Variants in EFNA5 observed in about 807,000 individuals in gnomAD.
The protein encoded by EFNA5 is ephrin A5, also known as ephrin-A5.
A neutral mutation model predicts 22.9 loss-of-function variants in EFNA5; 5 were observed. The observed-to-expected ratio is 0.22, with a 90% CI of 0.11 to 0.46. The LOEUF (loss-of-function observed/expected upper bound fraction) is 0.46, where lower values mean the gene tolerates loss of function less well. Among genes scored for constraint, EFNA5 ranks in the 20% least tolerant of loss-of-function variants. EFNA5 has a pLI of 0.99. For missense variants in EFNA5, 237 were observed against 293.3 expected, an observed-to-expected ratio of 0.81 and a Z score of 1.40; for synonymous variants, 113 against 112.2, an observed-to-expected ratio of 1.01 and a Z score of -0.04.
At chr5:107,430,483 T>C (rs993923008) in intron 1 of EFNA5, among the ~76,000 whole-genome samples, 1 of 152,136 alleles carries the variant, frequency 6.6e-6, no homozygotes, top group Non-Finnish European at 1.5e-5. Flanking sequence ...AAACTGCCAT[T>C]GTCTGGACCC....
At chr5:107,552,088 T>G (rs1748312180) in intron 1 of EFNA5, among the ~76,000 whole-genome samples, 1 of 152,134 alleles carries the variant, frequency 6.6e-6, no homozygotes, top group South Asian at 2.1e-4. Flanking sequence ...AAAAGTGACT[T>G]AAAAAATTCT....
intron 2 of EFNA5, among the ~76,000 whole-genome samples, chr5:107,401,225 T>C (rs1021598885): frequency 6.6e-5 from 10 of 152,238 alleles, no homozygotes; most frequent in African/African-American, 2.4e-4. Context: ...TTTATATTTC[T>C]ATGCTGACTC....
intron 1 of EFNA5, among the ~76,000 whole-genome samples, chr5:107,636,246 A>G (rs912519480): frequency 3.9e-5 from 6 of 152,214 alleles, no homozygotes; most frequent in Non-Finnish European, 7.3e-5. Context: ...ATCACTGTTA[A>G]ATGAGAAAAA....
At chr5:107,387,070 G>A (rs2112487370) in intron 4 of EFNA5, among the ~76,000 whole-genome samples, 165 bp downstream of exon 4, 1 of 152,234 alleles carries the variant, frequency 6.6e-6, no homozygotes, top group East Asian at 1.9e-4. Flanking sequence ...CAAAGATACT[G>A]GAGGAATGAG....
intron 2 of EFNA5, among the ~76,000 whole-genome samples, chr5:107,405,615 C>G (rs987705723): frequency 8.5e-5 from 13 of 152,088 alleles, no homozygotes; most frequent in Non-Finnish European, 1.9e-4. Context: ...TTCACAGAAT[C>G]TCAGTTAGCC....
chr5:107,405,428 A>T (rs1276173406), intron 2 of EFNA5, among the ~76,000 whole-genome samples: 1 of 152,240 alleles, frequency 6.6e-6, no homozygotes, highest in Non-Finnish European at 1.5e-5. Flanking sequence ...TAACAGATGC[A>T]GCAGATTCAC....
intron 1 of EFNA5, among the ~76,000 whole-genome samples, chr5:107,483,831 T>A (rs139036557): frequency 2.0e-5 from 3 of 152,302 alleles, no homozygotes; most frequent in Admixed American, 2.0e-4. Context: ...GTAAGGCTAG[T>A]GTTGAAGTAA....
intron 1 of EFNA5, among the ~76,000 whole-genome samples, chr5:107,657,037 G>A (rs769637172): frequency 2.1e-4 from 32 of 152,098 alleles, no homozygotes; most frequent in Middle Eastern, 3.4e-3. Context: ...TTTACTATAC[G>A]CAGTTAAATC....
At position 107,591,992 on chromosome 5, in the gene EFNA5, T is replaced by A. The variant is rs1012949344; in HGVS notation, c.125+78497A>T. On this transcript the variant is annotated intron_variant, in intron 1 of 4. Transcript: ENST00000333274. ...AATATATATAATATATAATATATAATATATATAATATATAATATATATAAT... is the reference window on the plus strand; with the variant it reads ...AATATATATAATATATAATATATAAAATATATAATATATAATATATATAAT... 7.1e-5 allele frequency among the ~76,000 whole-genome samples: 3 copies of A among 42,176 alleles called. No homozygotes were observed. The Admixed American group carries it at 1.2e-3, about 17-fold the overall frequency. The allele number at this position is 42,176 out of a possible 152,430, so 27.7% of individuals were successfully genotyped here. A position where few individuals can be genotyped will look rare whatever the true frequency, so the allele number is the denominator to read the frequency against.
chr5:107,630,469 C>T (rs1750227097), intron 1 of EFNA5, among the ~76,000 whole-genome samples: 1 of 151,942 alleles, frequency 6.6e-6, no homozygotes, highest in African/African-American at 2.4e-5. Context: ...TGTATCTAAA[C>T]ATAGAAAAGG....
At chr5:107,533,715 T>C (rs1747871107) in intron 1 of EFNA5, among the ~76,000 whole-genome samples, 1 of 152,230 alleles carries the variant, frequency 6.6e-6, no homozygotes, top group African/African-American at 2.4e-5. Context: ...AGTTCCCATA[T>C]ACGGATTAAA....
chr5:107,386,983 G>A (rs1471054284), intron 4 of EFNA5, among the ~76,000 whole-genome samples: 1 of 152,128 alleles, frequency 6.6e-6, no homozygotes, highest in Non-Finnish European at 1.5e-5. Flanking sequence ...TTCCGATGGG[G>A]CTTCTATATT....
At chr5:107,462,990 C>A (rs962580358) in intron 1 of EFNA5, among the ~76,000 whole-genome samples, 1 of 152,122 alleles carries the variant, frequency 6.6e-6, no homozygotes, top group Non-Finnish European at 1.5e-5. Context: ...CAGTCACTGG[C>A]GTCCATCCTG....
intron 1 of EFNA5, among the ~76,000 whole-genome samples, chr5:107,525,517 C>A (rs894753479): frequency 5.9e-5 from 9 of 152,166 alleles, no homozygotes; most frequent in African/African-American, 2.2e-4. Flanking sequence ...AGAAGTTTTA[C>A]TGATAACATA....
At chr5:107,489,257 G>T (rs528715212) in intron 1 of EFNA5, among the ~76,000 whole-genome samples, 2 of 151,882 alleles carry the variant, frequency 1.3e-5, no homozygotes, top group Non-Finnish European at 2.9e-5. Flanking sequence ...CACTGCAACC[G>T]CCGCCTTCCA....
chr5:107,513,525 T>G (rs555655222), intron 1 of EFNA5, among the ~76,000 whole-genome samples: 12 of 152,182 alleles, frequency 7.9e-5, no homozygotes, highest in African/African-American at 2.6e-4. Context: ...TGGGCAGATG[T>G]TAGAATTTTA....
intron 1 of EFNA5, among the ~76,000 whole-genome samples, chr5:107,557,533 T>C (rs1252769995): frequency 6.6e-6 from 1 of 152,222 alleles, no homozygotes; most frequent in African/African-American, 2.4e-5. Flanking sequence ...TGTTTCCTCA[T>C]GTCTAAACAA....
intron 1 of EFNA5, among the ~76,000 whole-genome samples, chr5:107,502,356 T>G (rs1295792975): frequency 1.3e-5 from 2 of 152,188 alleles, no homozygotes; most frequent in South Asian, 2.1e-4. Context: ...GAAAGATCCC[T>G]CATCATGCCA....
intron 1 of EFNA5, 100 bp downstream of exon 1, chr5:107,670,389 C>T: frequency 5.0e-6 from 7 of 1,392,934 alleles, no homozygotes; most frequent in Non-Finnish European, 6.5e-6. Flanking sequence ...TCCGAGGGTG[C>T]GCGCCGCCAG....
Sources: gnomAD v4.1 joint callset for allele counts (sites outside exome capture counted in the v4.1 genomes callset) on GRCh38, gnomAD v4.1.1 for gene constraint, MANE v1.5 for transcripts, NCBI Gene and HGNC (gene_info 2026-07-23, HGNC 2026-07-21) for gene names.